Variants in NAV3 observed in about 807,000 individuals in gnomAD.
NAV3 encodes the protein neuron navigator 3.
In NAV3, 87 loss-of-function variants were observed where a neutral mutation model predicts 244.7. The ratio of observed to expected loss-of-function variants is 0.36; its 90% CI spans 0.30 to 0.42. The LOEUF (loss-of-function observed/expected upper bound fraction) is 0.42. Ranked by LOEUF, NAV3 falls within the 20% of genes least tolerant of loss-of-function variation. NAV3 has a pLI of 1.00. For missense variants in NAV3, 2,663 were observed against 2,893.3 expected, an observed-to-expected ratio of 0.92 and a Z score of 1.83; for synonymous variants, 1,126 against 1,042.2, an observed-to-expected ratio of 1.08 and a Z score of -1.55.
At chr12:78,093,141 A>G (rs300492) in intron 12 of NAV3, among the ~76,000 whole-genome samples, 10,630 of 152,298 alleles carry the variant, frequency 0.07, 388 homozygotes, top group Admixed American at 0.083. Flanking sequence ...TATACAATGA[A>G]TATGAATCAT....
chr12:77,584,384 C>G (rs573299138), intron 2 of NAV3, among the ~76,000 whole-genome samples: 1 of 151,910 alleles, frequency 6.6e-6, no homozygotes, highest in Non-Finnish European at 1.5e-5. Context: ...ATAAGCTAAA[C>G]ACTGAGCTTG....
chr12:77,943,675 T>C (rs889778808), intron 3 of NAV3, among the ~76,000 whole-genome samples: 1 of 152,206 alleles, frequency 6.6e-6, no homozygotes, highest in African/African-American at 2.4e-5. Flanking sequence ...TGTTCCTTGA[T>C]TGCATAACAC....
chr12:78,151,764 T>A (rs1400930896), intron 22 of NAV3, among the ~76,000 whole-genome samples: 1 of 151,620 alleles, frequency 6.6e-6, no homozygotes, highest in Non-Finnish European at 1.5e-5. Flanking sequence ...CTGGCTTTGA[T>A]ATATAATATA....
intron 12 of NAV3, among the ~76,000 whole-genome samples, chr12:78,085,581 A>C (rs567812971): frequency 6.6e-6 from 1 of 152,162 alleles, no homozygotes; most frequent in Non-Finnish European, 1.5e-5. Context: ...TGTGAAAATG[A>C]TGAGCAGAAA....
At chr12:77,758,726 C>T (rs1014363625) in intron 2 of NAV3, among the ~76,000 whole-genome samples, 7 of 152,088 alleles carry the variant, frequency 4.6e-5, no homozygotes, top group East Asian at 3.8e-4. Context: ...ATATAAAATA[C>T]ACTTAGGCAA....
chr12:77,963,927 TCTC>T (rs1892277029), intron 3 of NAV3, among the ~76,000 whole-genome samples: 1 of 120,392 alleles, frequency 8.3e-6, no homozygotes, highest in African/African-American at 3.1e-5. Context: ...CCTTCCTTCT[TCTC>T]CTCCTTCTGC....
intron 2 of NAV3, among the ~76,000 whole-genome samples, chr12:77,778,715 A>T (rs886086798): frequency 6.6e-6 from 1 of 151,992 alleles, no homozygotes; most frequent in East Asian, 1.9e-4. Flanking sequence ...AATTTTATCT[A>T]TTAGTCAAAT....
chr12:77,913,197 C>A (rs1886788225), intron 1 of NAV3, among the ~76,000 whole-genome samples: 1 of 151,976 alleles, frequency 6.6e-6, no homozygotes, highest in Non-Finnish European at 1.5e-5. Flanking sequence ...CACAGCAATT[C>A]TTTTGCTAAG....
In NAV3 at chr12:77,975,353, A is replaced by T. The variant is rs573490683; in HGVS notation, c.671+6651A>T. Among the ~76,000 whole-genome samples, 6 of 152,324 alleles carry T rather than the reference A, an allele frequency of 3.9e-5. No individual in the cohort carries two copies. In the South Asian group the frequency reaches 1.2e-3, roughly 32 times the overall value. On this transcript the variant is annotated intron_variant, in intron 5 of 39. Coordinates refer to ENST00000397909, the MANE Select transcript of NAV3 (RefSeq NM_001024383.2). ...ATGCAGAAGACAAAAGAGATTAAAA[A>T]ATCTTTGCTTTCTTGAAGCTTTCAT...
At chr12:77,718,967 C>T (rs1876489406) in intron 2 of NAV3, among the ~76,000 whole-genome samples, 5 of 152,080 alleles carry the variant, frequency 3.3e-5, no homozygotes, top group African/African-American at 1.2e-4. Context: ...GATGTCTTTC[C>T]ACTTATTTAT....
At chr12:77,977,708 ACGCG>A (rs143241072) in intron 5 of NAV3, among the ~76,000 whole-genome samples, 9 of 73,342 alleles carry the variant, frequency 1.2e-4, no homozygotes, top group South Asian at 5.4e-4. Flanking sequence ...ACACACACAC[ACGCG>A]CACACACACA....
At chr12:77,740,974 C>G (rs573582136) in intron 2 of NAV3, among the ~76,000 whole-genome samples, 179 of 151,886 alleles carry the variant, frequency 1.2e-3, no homozygotes, top group Non-Finnish European at 2.3e-3. Flanking sequence ...AGAGGTGGCT[C>G]CATACCAGGG....
At chr12:77,600,010 C>A (rs986434713) in intron 2 of NAV3, among the ~76,000 whole-genome samples, 8 of 151,932 alleles carry the variant, frequency 5.3e-5, no homozygotes, top group Non-Finnish European at 7.4e-5. Flanking sequence ...ATTAATGAAG[C>A]CTGTCAGATC....
intron 34 of NAV3, among the ~76,000 whole-genome samples, chr12:78,192,955 G>T (rs368820629): frequency 6.6e-6 from 1 of 151,936 alleles, no homozygotes; most frequent in African/African-American, 2.4e-5. Context: ...AAAAAAAGAG[G>T]GGATGACAAG....
Position 78,127,157 on chromosome 12 carries a change from G to A in NAV3, c.4239-10G>A. 6.2e-7 allele frequency: 1 copy of A among 1,613,388 alleles called. No individual in the cohort carries two copies. Among genetic ancestry groups the A allele is most frequent in the Non-Finnish European group, 8.5e-7 (1 of 1,179,626 alleles). ...CATTATGTCCTTAGGGGTTTTCTTT[G>A]TTTTAACAGCATGCAGCTTGACAGA... On this transcript the variant is annotated splice_polypyrimidine_tract_variant and intron_variant, in intron 16 of 39. Transcript: ENST00000397909.
intron 2 of NAV3, among the ~76,000 whole-genome samples, chr12:77,799,949 A>T (rs1871619642): frequency 6.6e-6 from 1 of 152,188 alleles, no homozygotes; most frequent in African/African-American, 2.4e-5. Flanking sequence ...CAGTAAGTTC[A>T]GTGAATACTG....
At chr12:77,795,438 A>G (rs1195486425) in intron 2 of NAV3, among the ~76,000 whole-genome samples, 2 of 152,156 alleles carry the variant, frequency 1.3e-5, no homozygotes, top group Non-Finnish European at 2.9e-5. Context: ...GCAGCAAGCG[A>G]TGATGTGCAA....
intron 2 of NAV3, among the ~76,000 whole-genome samples, chr12:77,583,492 T>C (rs1283042313): frequency 1.3e-5 from 2 of 152,214 alleles, no homozygotes; most frequent in Non-Finnish European, 2.9e-5. Flanking sequence ...TGTGTTAATC[T>C]GCTTTGCTCT....
chr12:77,982,197 T>C (rs12809476), intron 5 of NAV3, among the ~76,000 whole-genome samples: 47,437 of 137,798 alleles, frequency 0.34, 9,265 homozygotes, highest in Non-Finnish European at 0.42. Flanking sequence ...TTGGGCAGAG[T>C]CAATGCATAA....
Sources: allele counts gnomAD v4.1 joint callset (sites outside exome capture counted in the v4.1 genomes callset), GRCh38; gene constraint gnomAD v4.1.1; transcripts MANE v1.5; gene names NCBI Gene and HGNC (gene_info 2026-07-23, HGNC 2026-07-21).